Variants in CDH13 observed in about 807,000 individuals in gnomAD.
CDH13 encodes the protein cadherin-13.
Under a neutral mutation model 63.8 loss-of-function variants are expected in CDH13, and 24 were observed. That is an observed-to-expected ratio of 0.38 (90% confidence interval 0.27 to 0.53). The LOEUF (loss-of-function observed/expected upper bound fraction) is 0.53, where lower values mean the gene tolerates loss of function less well. CDH13 is among the 20% of genes least tolerant of loss of function. CDH13 has a pLI of 0.85. For synonymous variants in CDH13, 503 were observed against 355.3 expected (o/e 1.42, Z -4.67); for missense variants, 1,049 against 903.1 (o/e 1.16, Z -2.07).
At chr16:82,662,413 A>G (rs536871089) in intron 1 of CDH13, among the ~76,000 whole-genome samples, 3 of 152,374 alleles carry the variant, frequency 2.0e-5, no homozygotes, top group African/African-American at 7.2e-5. Flanking sequence ...TTGTAATTAA[A>G]AAGAGATTTA....
intron 1 of CDH13, among the ~76,000 whole-genome samples, chr16:82,808,051 G>C (rs1300053801): frequency 6.6e-6 from 1 of 152,160 alleles, no homozygotes; most frequent in Non-Finnish European, 1.5e-5. Context: ...AAATGGGGAG[G>C]AGAGAGTGTA....
At chr16:83,293,058 T>G (rs987129297) in intron 5 of CDH13, among the ~76,000 whole-genome samples, 2 of 152,300 alleles carry the variant, frequency 1.3e-5, no homozygotes, top group Middle Eastern at 3.4e-3. Context: ...CAATGGGCAT[T>G]ACATTAGATT....
chr16:82,880,684 A>G (rs2040672051), intron 2 of CDH13, among the ~76,000 whole-genome samples: 1 of 152,176 alleles, frequency 6.6e-6, no homozygotes, highest in Non-Finnish European at 1.5e-5. Context: ...AAAACATCTT[A>G]TAATTATAAA....
intron 4 of CDH13, among the ~76,000 whole-genome samples, chr16:83,154,885 C>G (rs901161685): frequency 6.6e-6 from 1 of 152,126 alleles, no homozygotes; most frequent in Non-Finnish European, 1.5e-5. Context: ...TTTAAAAGCT[C>G]TCATATTCAA....
At chr16:82,721,550 C>G (rs2032771751) in intron 1 of CDH13, among the ~76,000 whole-genome samples, 1 of 152,082 alleles carries the variant, frequency 6.6e-6, no homozygotes, top group South Asian at 2.1e-4. Context: ...AAGAAAGGTA[C>G]TCCAGGTAGA....
chr16:83,565,154 C>G lies in CDH13; in HGVS notation c.961-37300C>G, dbSNP rs141053395. Among the ~76,000 whole-genome samples the G allele has an allele frequency of 3.0e-4, 45 of 152,214 alleles. 1 individual carries two copies. Among genetic ancestry groups the G allele is most frequent in the Middle Eastern group, 6.8e-3 (2 of 294 alleles). On this transcript the variant is annotated intron_variant, in intron 7 of 13. Transcript: ENST00000567109. ...CCAATACTCTTCAGGCCCAGTGATC[C>G]TTTTCAGACTCTTGTCCTCTAGAAA... is the stretch of plus-strand genomic sequence containing the variant.
intron 7 of CDH13, among the ~76,000 whole-genome samples, chr16:83,574,674 C>A (rs764107763): frequency 1.3e-4 from 20 of 152,178 alleles, no homozygotes; most frequent in Non-Finnish European, 2.5e-4. Context: ...AAATCTATTC[C>A]TTCTCTTCCC....
At chr16:82,668,918 C>G (rs1912920325) in intron 1 of CDH13, among the ~76,000 whole-genome samples, 1 of 152,198 alleles carries the variant, frequency 6.6e-6, no homozygotes, top group Admixed American at 6.5e-5. Flanking sequence ...GAGTTTACCC[C>G]TGTGTAAAGT....
chr16:83,775,600 C>G (rs1597213907), intron 11 of CDH13, among the ~76,000 whole-genome samples: 2 of 152,040 alleles, frequency 1.3e-5, no homozygotes, highest in South Asian at 2.1e-4. Flanking sequence ...GTGTTTTGCT[C>G]AAATTGACCT....
chr16:82,812,704 T>G (rs1195619559), intron 1 of CDH13, among the ~76,000 whole-genome samples: 2 of 152,252 alleles, frequency 1.3e-5, no homozygotes, highest in African/African-American at 2.4e-5. Context: ...TTAAGAAGTT[T>G]GGCGGCTAAA....
At position 82,838,265 on chromosome 16, in the gene CDH13, A is replaced by G. The variant is rs112336141; in HGVS notation, c.46-20097A>G. Among the ~76,000 whole-genome samples the G allele has an allele frequency of 5.6e-3, 850 of 152,230 alleles. 8 individuals carry two copies. The highest frequency in any genetic ancestry group is 0.018 in the African/African-American group (748 of 41,528). On this transcript the variant is annotated intron_variant, in intron 1 of 13. Transcript: ENST00000567109. ...CTTTGTCCTTCTTTTATTCTTGTTC[A>G]TGGGTATCTCCACTAGAAGGAGGAT...
intron 6 of CDH13, among the ~76,000 whole-genome samples, chr16:83,380,905 C>G (rs2091554951): frequency 6.6e-6 from 1 of 151,044 alleles, no homozygotes. Flanking sequence ...AGCCCTGCCA[C>G]AAAAATGCCC....
chr16:83,386,227 C>T (rs927086319), intron 6 of CDH13, among the ~76,000 whole-genome samples: 2 of 152,138 alleles, frequency 1.3e-5, no homozygotes, highest in Non-Finnish European at 2.9e-5. Context: ...AGCCCAGAGC[C>T]ACATGGAGAA....
chr16:82,786,881 C>T (rs184934106), intron 1 of CDH13, among the ~76,000 whole-genome samples: 11 of 152,200 alleles, frequency 7.2e-5, no homozygotes, highest in Admixed American at 3.3e-4. Flanking sequence ...GTATGTGCCA[C>T]ATAGAAAACA....
In CDH13 at chr16:83,576,387, A is replaced by G. The variant is rs551440669; in HGVS notation, c.961-26067A>G. 3.9e-5 allele frequency among the ~76,000 whole-genome samples: 6 copies of G among 152,318 alleles called. No individual in the cohort carries two copies. In the East Asian group the frequency reaches 9.6e-4, roughly 24 times the overall value. Reference sequence around the variant, plus strand: ...TAATATTTTCTTGTATGGGTGGAGCACATTTTGTTTATCCATTCGTCTGTT... The same window carrying G: ...TAATATTTTCTTGTATGGGTGGAGCGCATTTTGTTTATCCATTCGTCTGTT... On this transcript the variant is annotated intron_variant, in intron 7 of 13. Transcript: ENST00000567109.
At chr16:82,989,593 A>C (rs946389539) in intron 2 of CDH13, among the ~76,000 whole-genome samples, 4 of 152,214 alleles carry the variant, frequency 2.6e-5, no homozygotes, top group Admixed American at 2.6e-4. Flanking sequence ...AGCCTAGATG[A>C]GGCTGTGTGG....
At chr16:82,975,316 G>T (rs1353121410) in intron 2 of CDH13, among the ~76,000 whole-genome samples, 1 of 152,156 alleles carries the variant, frequency 6.6e-6, no homozygotes, top group Admixed American at 6.5e-5. Flanking sequence ...GCCTTGTGAG[G>T]ACACAGGGCT....
At chr16:83,536,500 C>A (rs540622839) in intron 7 of CDH13, among the ~76,000 whole-genome samples, 1 of 152,194 alleles carries the variant, frequency 6.6e-6, no homozygotes, top group South Asian at 2.1e-4. Flanking sequence ...AGTGGGAATG[C>A]AGTGAGTGTG....
At chr16:83,090,496 C>T (rs2033847192) in intron 3 of CDH13, among the ~76,000 whole-genome samples, 1 of 151,516 alleles carries the variant, frequency 6.6e-6, no homozygotes, top group Non-Finnish European at 1.5e-5. Flanking sequence ...ATCGCTTGAA[C>T]CCAGGAGGCA....
Sources: allele counts gnomAD v4.1 joint callset (sites outside exome capture counted in the v4.1 genomes callset), GRCh38; gene constraint gnomAD v4.1.1; transcripts MANE v1.5; gene names NCBI Gene and HGNC (gene_info 2026-07-23, HGNC 2026-07-21).